The following ADGRV1 variants were observed in gnomAD, a reference collection of about 807,000 sequenced individuals.
ADGRV1 encodes the protein adhesion G protein-coupled receptor V1.
In ADGRV1, 359 loss-of-function variants were observed where a neutral mutation model predicts 596.2. The observed-to-expected ratio is 0.60, with a 90% CI of 0.55 to 0.66. The LOEUF (loss-of-function observed/expected upper bound fraction) is 0.66. Among genes scored for constraint, ADGRV1 ranks in the 30% least tolerant of loss-of-function variants. The pLI, the probability that ADGRV1 is intolerant of heterozygous loss-of-function variation, is 0.00. For missense variants in ADGRV1, 7,274 were observed against 7,575.6 expected (o/e 0.96, Z 1.48); for synonymous variants, 2,681 against 2,679.2 (o/e 1.00, Z -0.02).
At chr5:90,652,291 G>T in intron 18 of ADGRV1, 55 bp from the exon 19 acceptor site, 1 of 1,216,682 alleles carries the variant, frequency 8.2e-7, no homozygotes, top group Non-Finnish European at 1.1e-6. Flanking sequence ...AACACAGGAA[G>T]CTCTCATTAG....
At chr5:90,871,036 A>G (rs909805628) in intron 83 of ADGRV1, among the ~76,000 whole-genome samples, 2 of 152,126 alleles carry the variant, frequency 1.3e-5, no homozygotes, top group African/African-American at 4.8e-5. Flanking sequence ...CTTGAATCCA[A>G]ATTTCTGTGA....
intron 87 of ADGRV1, among the ~76,000 whole-genome samples, chr5:91,122,374 C>T (rs1295475316): frequency 6.6e-6 from 1 of 152,216 alleles, no homozygotes; most frequent in East Asian, 1.9e-4. Context: ...GGGACTTACT[C>T]CTTCAGCAGA....
At chr5:90,978,767 G>T (rs1779838278) in intron 84 of ADGRV1, among the ~76,000 whole-genome samples, 1 of 151,904 alleles carries the variant, frequency 6.6e-6, no homozygotes, top group African/African-American at 2.4e-5. Context: ...TTTTAACAAG[G>T]TGGCATATAT....
At chr5:90,943,603 G>A (rs954052787) in intron 83 of ADGRV1, among the ~76,000 whole-genome samples, 32 of 152,072 alleles carry the variant, frequency 2.1e-4, no homozygotes, top group African/African-American at 1.2e-4. Context: ...ACAAATTACC[G>A]TAAACTGGGT....
chr5:90,883,842 G>A (rs957884693), intron 83 of ADGRV1, among the ~76,000 whole-genome samples: 7 of 152,170 alleles, frequency 4.6e-5, no homozygotes, highest in Non-Finnish European at 1.0e-4. Flanking sequence ...ATGTTACAGG[G>A]CCTCTGCAGG....
At position 91,075,547 on chromosome 5, in the gene ADGRV1, T is replaced by G. The variant is rs566434184; in HGVS notation, c.18310+2943T>G. Among the ~76,000 whole-genome samples, 13 of 152,266 alleles carry G rather than the reference T, an allele frequency of 8.5e-5. No homozygotes were observed. In the South Asian group the frequency reaches 2.7e-3, roughly 32 times the overall value. ...GTATCTTAATGAGGGAACCCTCTCT[T>G]GCAATAAAATGTGAATAGAAGCATT... On this transcript the variant is annotated intron_variant, in intron 86 of 89. Transcript: ENST00000405460.
At chr5:90,951,418 A>G (rs1777053657) in intron 83 of ADGRV1, among the ~76,000 whole-genome samples, 1 of 152,200 alleles carries the variant, frequency 6.6e-6, no homozygotes, top group Non-Finnish European at 1.5e-5. Context: ...TGATTTCCTG[A>G]CATTTTTAAG....
At chr5:91,043,917 TTA>T (rs1054002661) in intron 85 of ADGRV1, among the ~76,000 whole-genome samples, 4 of 151,950 alleles carry the variant, frequency 2.6e-5, no homozygotes, top group African/African-American at 9.7e-5. Context: ...ATATTATATT[TTA>T]TATTTATTTT....
At chr5:91,040,653 A>G (rs1272074063) in intron 85 of ADGRV1, among the ~76,000 whole-genome samples, 1 of 152,234 alleles carries the variant, frequency 6.6e-6, no homozygotes, top group Non-Finnish European at 1.5e-5. Context: ...TTCAGTGAAT[A>G]GAAGCTAGAT....
chr5:91,107,343 T>A (rs1328113830), intron 87 of ADGRV1, among the ~76,000 whole-genome samples: 2 of 152,160 alleles, frequency 1.3e-5, no homozygotes, highest in African/African-American at 4.8e-5. Flanking sequence ...TTTGTTGCCA[T>A]GGCAAGATCA....
At chr5:90,768,167 T>G (rs1581060200) in intron 59 of ADGRV1, among the ~76,000 whole-genome samples, 2 of 152,226 alleles carry the variant, frequency 1.3e-5, no homozygotes, top group African/African-American at 4.8e-5. Context: ...TCTGATCTTT[T>G]CTTCCAGCGA....
chr5:90,850,140 T>G (rs1426806409), intron 79 of ADGRV1, among the ~76,000 whole-genome samples: 1 of 152,184 alleles, frequency 6.6e-6, no homozygotes, highest in Non-Finnish European at 1.5e-5. Flanking sequence ...CAGAATAGAT[T>G]GTAACCACCT....
At chr5:91,062,863 G>A (rs924626040) in intron 85 of ADGRV1, among the ~76,000 whole-genome samples, 2 of 151,656 alleles carry the variant, frequency 1.3e-5, no homozygotes, top group South Asian at 4.2e-4. Flanking sequence ...TAGCCCCTTG[G>A]CTCCCTACCA....
At chr5:91,094,898 T>C (rs1199823188) in intron 86 of ADGRV1, among the ~76,000 whole-genome samples, 1 of 152,082 alleles carries the variant, frequency 6.6e-6, no homozygotes, top group East Asian at 1.9e-4. Context: ...ACATTGGAGA[T>C]TATTAATTTA....
In ADGRV1 at chr5:90,617,888, A is replaced by G. The variant is rs765965568; in HGVS notation, c.292A>G (p.Ile98Val). The G allele has an allele frequency of 1.9e-6, 3 of 1,597,524 alleles. No individual in the cohort carries two copies. The highest frequency in any genetic ancestry group is 2.2e-5 in the East Asian group (1 of 44,580). Residue 98 changes from isoleucine to valine, a missense_variant, in exon 3 of 90, where the codon ATA becomes GTA. Physicochemically the swap from Ile to Val is conservative, Grantham distance 29. Around this residue, in one of 5 missense-constraint regions of ADGRV1, gnomAD observed 1,715 missense variants for 1,708.8 expected, o/e 1.00. Coordinates refer to ENST00000405460, the MANE Select transcript of ADGRV1 (RefSeq NM_032119.4). ...CGGAGAAACAAACAGAACAGTGTAC[A>G]TAGCAGTATGTGATGATGACTTACC... Reference protein sequence around the residue: ...PAGETNRTVYIAVCDDDLPEP... With the variant: ...PAGETNRTVYVAVCDDDLPEP...
chr5:90,802,264 G>T (rs1761454257), intron 70 of ADGRV1, among the ~76,000 whole-genome samples: 1 of 152,158 alleles, frequency 6.6e-6, no homozygotes, highest in Non-Finnish European at 1.5e-5. Flanking sequence ...TTGCCAGGCT[G>T]GAGTGCAGTG....
chr5:90,954,542 C>G (rs1401439161), intron 83 of ADGRV1, among the ~76,000 whole-genome samples: 1 of 152,004 alleles, frequency 6.6e-6, no homozygotes, highest in Non-Finnish European at 1.5e-5. Flanking sequence ...ACATCTTTAC[C>G]TTTTCTCGTA....
chr5:90,883,563 A>G (rs1769995201), intron 83 of ADGRV1, among the ~76,000 whole-genome samples: 2 of 152,236 alleles, frequency 1.3e-5, no homozygotes, highest in Middle Eastern at 3.4e-3. Context: ...TTGGAGTGAT[A>G]CTGGTACAAT....
intron 85 of ADGRV1, among the ~76,000 whole-genome samples, chr5:91,000,668 CTGTGTGTGTGTGTGTGTG>C (rs6149110): frequency 5.0e-5 from 7 of 141,154 alleles, no homozygotes; most frequent in South Asian, 2.3e-4. Context: ...CTTACAGGAT[CTGTGTGTGTGTGTGTGTG>C]TGTGTGTGTG....
Sources: gnomAD v4.1 joint callset for allele counts (sites outside exome capture counted in the v4.1 genomes callset) on GRCh38, gnomAD v4.1.1 for gene constraint, gnomAD v4.1.1 regional missense constraint, MANE v1.5 for transcripts, NCBI Gene and HGNC (gene_info 2026-07-23, HGNC 2026-07-21) for gene names.